Variants in NHS observed in about 807,000 individuals in gnomAD.
The protein encoded by NHS is actin remodeling regulator NHS.
A neutral mutation model predicts 72.5 loss-of-function variants in NHS; 5 were observed. The ratio of observed to expected loss-of-function variants is 0.07; its 90% CI spans 0.04 to 0.14. The LOEUF (loss-of-function observed/expected upper bound fraction) is 0.14. NHS is among the 10% of genes least tolerant of loss of function. The probability of loss-of-function intolerance (pLI) is 1.00; values close to 1 mark genes in which losing one functional copy is unlikely to be tolerated. For missense variants in NHS, 1,072 were observed against 1,355.7 expected, an observed-to-expected ratio of 0.79 and a Z score of 3.29; for synonymous variants, 464 against 547.7, an observed-to-expected ratio of 0.85 and a Z score of 2.13.
chrX:17,439,557 T>G (rs1209252268), intron 1 of NHS, among the ~76,000 whole-genome samples: 8 of 112,246 alleles, frequency 7.1e-5, no homozygotes, highest in Non-Finnish European at 1.5e-4. Flanking sequence ...TGCAGCTTGT[T>G]GTTTTTGCTC....
At chrX:17,422,540 G>A (rs111519583) in intron 1 of NHS, among the ~76,000 whole-genome samples, 1,335 of 111,737 alleles carry the variant, frequency 0.012, 22 homozygotes, top group African/African-American at 0.041. Flanking sequence ...ATTCTTTGCT[G>A]TGGAGCTGTC....
intron 1 of NHS, among the ~76,000 whole-genome samples, chrX:17,591,774 A>T (rs756372024): frequency 8.9e-6 from 1 of 111,951 alleles, no homozygotes; most frequent in Non-Finnish European, 1.9e-5. Context: ...AAAGACTGAG[A>T]CAGAGCTTGC....
At chrX:17,712,995 A>G (rs1475832461) in intron 3 of NHS, among the ~76,000 whole-genome samples, 1 of 111,601 alleles carries the variant, frequency 9.0e-6, no homozygotes, top group Non-Finnish European at 1.9e-5. Context: ...TGAATGTCGG[A>G]GTTGAGGAGA....
Position 17,727,407 on chromosome X carries a change from C to T in NHS, c.3301C>T (p.Pro1101Ser). The stretch of plus-strand genomic sequence containing the variant: ...TGCTCTTCATAATGTCTTGAACAAA[C>T]CATTCCACCACCGTCATCCACTGCA... ...LSALHNVLNK[P>S]FHHRHPLHVF... Residue 1101 changes from proline to serine, a missense_variant, in exon 7 of 9, where the codon CCA becomes TCA. Physicochemically the swap from Pro to Ser is moderately conservative, Grantham distance 74. Coordinates refer to ENST00000676302, the MANE Select transcript of NHS (RefSeq NM_001291867.2). 1 of 1,211,339 alleles carries T rather than the reference C, an allele frequency of 8.3e-7. No homozygotes were observed. The highest frequency in any genetic ancestry group is 1.8e-5 in the South Asian group (1 of 56,975).
chrX:17,677,689 G>C (rs1167104892), intron 1 of NHS, among the ~76,000 whole-genome samples: 1 of 111,966 alleles, frequency 8.9e-6, no homozygotes, highest in African/African-American at 3.2e-5. Flanking sequence ...TGTTATAACT[G>C]GGAGCTAATC....
At chrX:17,479,507 T>C (rs773770882) in intron 1 of NHS, among the ~76,000 whole-genome samples, 44 of 112,134 alleles carry the variant, frequency 3.9e-4, no homozygotes, top group African/African-American at 1.4e-3. Context: ...TGAACTAATT[T>C]ACCAACAGTG....
chrX:17,711,228 CAG>C (rs2147129229), intron 3 of NHS, among the ~76,000 whole-genome samples: 1 of 111,892 alleles, frequency 8.9e-6, no homozygotes, highest in South Asian at 3.7e-4. Context: ...AAGCTGACCA[CAG>C]GGGATGAATA....
chrX:17,693,974 T>A (rs2066212523), intron 3 of NHS, among the ~76,000 whole-genome samples: 1 of 112,843 alleles, frequency 8.9e-6, no homozygotes, highest in Admixed American at 9.3e-5. Context: ...TATGGCTAAT[T>A]AAGTTGGTTT....
chrX:17,579,710 C>T (rs762372154), intron 1 of NHS, among the ~76,000 whole-genome samples: 3 of 111,246 alleles, frequency 2.7e-5, no homozygotes, highest in East Asian at 2.8e-4. Flanking sequence ...TTGGTCCAGT[C>T]GGTGGTCACC....
intron 1 of NHS, among the ~76,000 whole-genome samples, chrX:17,500,115 G>A (rs188867802): frequency 8.9e-5 from 10 of 112,311 alleles, no homozygotes; most frequent in East Asian, 5.6e-4. Flanking sequence ...GACTTCCTCC[G>A]TGCCTGTAAA....
chrX:17,397,519 G>A (rs756434674), intron 1 of NHS, among the ~76,000 whole-genome samples: 1 of 111,302 alleles, frequency 9.0e-6, no homozygotes, highest in South Asian at 3.9e-4. Context: ...GCCTTTGAAA[G>A]GAATTAATGA....
chrX:17,549,882 TG>T (rs2065322029), intron 1 of NHS, among the ~76,000 whole-genome samples: 1 of 111,102 alleles, frequency 9.0e-6, no homozygotes, highest in African/African-American at 3.3e-5. Context: ...TTGGTCTGGA[TG>T]GGGGGACTTG....
chrX:17,508,008 GTTATTA>G (rs2065067632), intron 1 of NHS, among the ~76,000 whole-genome samples: 1 of 111,353 alleles, frequency 9.0e-6, no homozygotes, highest in African/African-American at 3.3e-5. Context: ...GGTTGTTATT[GTTATTA>G]TTATTATTTT....
At chrX:17,485,013 T>C (rs1438048706) in intron 1 of NHS, among the ~76,000 whole-genome samples, 1 of 111,998 alleles carries the variant, frequency 8.9e-6, no homozygotes, top group Non-Finnish European at 1.9e-5. Context: ...CCCCTCTTCA[T>C]TTAGCTCCAA....
At chrX:17,524,894 G>C (rs1234280640) in intron 1 of NHS, among the ~76,000 whole-genome samples, 1 of 112,155 alleles carries the variant, frequency 8.9e-6, no homozygotes, top group Non-Finnish European at 1.9e-5. Flanking sequence ...GAGGATTCTT[G>C]CCTGGATAAT....
chrX:17,689,484 AC>A (rs1229626433), intron 2 of NHS, among the ~76,000 whole-genome samples: 3 of 111,825 alleles, frequency 2.7e-5, no homozygotes, highest in African/African-American at 9.8e-5. Flanking sequence ...TGGATTAGGC[AC>A]CCTTCCCATA....
intron 1 of NHS, among the ~76,000 whole-genome samples, chrX:17,385,373 G>A (rs1304886330): frequency 9.0e-6 from 1 of 111,116 alleles, no homozygotes; most frequent in Non-Finnish European, 1.9e-5. Context: ...AATTGGCCGG[G>A]CATGATGGTA....
intron 3 of NHS, among the ~76,000 whole-genome samples, chrX:17,712,200 C>T (rs72616047): frequency 4.3e-5 from 4 of 92,013 alleles, no homozygotes; most frequent in African/African-American, 1.6e-4. Context: ...ATTTTCCTGA[C>T]GAGTAATGAT....
intron 1 of NHS, among the ~76,000 whole-genome samples, chrX:17,543,902 T>C (rs1472934280): frequency 2.7e-5 from 3 of 111,961 alleles, no homozygotes; most frequent in African/African-American, 9.8e-5. Context: ...AAGGCCAAAA[T>C]GAAGATAAAG....
Sources: allele counts gnomAD v4.1 joint callset (sites outside exome capture counted in the v4.1 genomes callset), GRCh38; gene constraint gnomAD v4.1.1; transcripts MANE v1.5; gene names NCBI Gene and HGNC (gene_info 2026-07-23, HGNC 2026-07-21).